The following SRGAP1 variants were observed in gnomAD, a reference collection of about 807,000 sequenced individuals.
SRGAP1 encodes SLIT-ROBO Rho GTPase activating protein 1.
SRGAP1 carries 43 observed loss-of-function variants against 121.9 expected under a neutral mutation model. The ratio of observed to expected loss-of-function variants is 0.35; its 90% CI spans 0.28 to 0.46. The LOEUF (loss-of-function observed/expected upper bound fraction) is 0.46, where lower values mean the gene tolerates loss of function less well. Ranked by LOEUF, SRGAP1 falls within the 20% of genes least tolerant of loss-of-function variation. SRGAP1 has a pLI of 1.00. For missense variants in SRGAP1, 1,102 were observed against 1,350.9 expected (o/e 0.82, Z 2.89); for synonymous variants, 447 against 485.4 (o/e 0.92, Z 1.04).
In SRGAP1 at chr12:63,983,978, A is replaced by G; in HGVS notation, c.99A>G (p.Lys33=). Residue 33 remains lysine (K), a synonymous_variant, in exon 2 of 22, where the codon AAA becomes AAG. Transcript: ENST00000355086. The stretch of plus-strand genomic sequence containing the variant: ...GAGCTCAACTGGTAGAACAACAAAA[A>G]TGCCTGGAGCAGCAAACGGAGATGC... The part of the protein sequence containing the change: ...EIRAQLVEQQ[K]CLEQQTEMRV... 6.5e-7 allele frequency: 1 copy of G among 1,545,024 alleles called. No individual in the cohort carries two copies. Among genetic ancestry groups the G allele is most frequent in the Non-Finnish European group, 8.8e-7 (1 of 1,137,458 alleles).
chr12:64,139,437 T>A (rs1448952937), intron 21 of SRGAP1, among the ~76,000 whole-genome samples: 1 of 152,242 alleles, frequency 6.6e-6, no homozygotes. Context: ...GTATCTAAAT[T>A]TAAACTTTTA....
At chr12:63,906,515 G>A (rs984560977) in intron 1 of SRGAP1, among the ~76,000 whole-genome samples, 7 of 152,002 alleles carry the variant, frequency 4.6e-5, no homozygotes, top group East Asian at 1.9e-4. Context: ...GGGTTTCACC[G>A]TGTTAGCCAG....
chr12:63,985,215 A>C (rs1440530674), intron 2 of SRGAP1, among the ~76,000 whole-genome samples: 3 of 152,176 alleles, frequency 2.0e-5, no homozygotes, highest in African/African-American at 7.2e-5. Flanking sequence ...CTAGTTGGTC[A>C]ATAAAGGAGA....
At chr12:64,048,685 A>G (rs774102222) in intron 6 of SRGAP1, among the ~76,000 whole-genome samples, 3 of 152,144 alleles carry the variant, frequency 2.0e-5, no homozygotes, top group Non-Finnish European at 4.4e-5. Flanking sequence ...CCTTTTGGAT[A>G]AAAGCCATTT....
intron 18 of SRGAP1, among the ~76,000 whole-genome samples, chr12:64,116,553 G>A (rs998692026): frequency 6.6e-6 from 1 of 151,932 alleles, no homozygotes. Context: ...TTATGTTCCT[G>A]ATGTTCATCT....
intron 6 of SRGAP1, among the ~76,000 whole-genome samples, chr12:64,057,348 C>T (rs1050576425): frequency 1.3e-5 from 2 of 152,126 alleles, no homozygotes; most frequent in African/African-American, 2.4e-5. Context: ...GATATGAAAA[C>T]TCGTGTGTAA....
chr12:64,105,418 A>G lies in SRGAP1; in HGVS notation c.1814-3514A>G, dbSNP rs1163918103. Among the ~76,000 whole-genome samples the G allele has an allele frequency of 2.0e-5, 3 of 152,158 alleles. No individual in the cohort carries two copies. In the East Asian group the frequency reaches 5.8e-4, roughly 29 times the overall value. On this transcript the variant is annotated intron_variant, in intron 15 of 21. Coordinates refer to ENST00000355086, the MANE Select transcript of SRGAP1 (RefSeq NM_020762.4). Reference sequence around the variant, plus strand: ...CAATTCTTATTAAATAAAATTTTAAAACTGCCTTTAAGAGGTAGAGGGACT... The same window carrying G: ...CAATTCTTATTAAATAAAATTTTAAGACTGCCTTTAAGAGGTAGAGGGACT...
chr12:63,949,400 TTATTATTA>T (rs1565964892), intron 1 of SRGAP1, among the ~76,000 whole-genome samples: 56 of 13,550 alleles, frequency 4.1e-3, no homozygotes, highest in Middle Eastern at 0.11. Flanking sequence ...TTATTATTTA[TTATTATTA>T]TTATTATTAT....
chr12:64,139,324 G>A (rs574026326), intron 21 of SRGAP1, among the ~76,000 whole-genome samples: 6 of 152,284 alleles, frequency 3.9e-5, no homozygotes, highest in African/African-American at 1.4e-4. Flanking sequence ...AGAACTTCTT[G>A]GAATTAGTCA....
At chr12:63,876,384 T>C (rs2136281866) in intron 1 of SRGAP1, among the ~76,000 whole-genome samples, 1 of 152,314 alleles carries the variant, frequency 6.6e-6, no homozygotes, top group Admixed American at 6.5e-5. Context: ...TTATGGGAAG[T>C]ATCATTTGGT....
At chr12:64,130,846 C>T (rs1290870185) in intron 21 of SRGAP1, among the ~76,000 whole-genome samples, 3 of 152,186 alleles carry the variant, frequency 2.0e-5, no homozygotes, top group Admixed American at 6.5e-5. Context: ...AACCCATATC[C>T]GGAGTAACTG....
At position 64,097,227 on chromosome 12, in the gene SRGAP1, T is replaced by G. The variant is rs371154293; in HGVS notation, c.1679-14T>G. On this transcript the variant is annotated splice_polypyrimidine_tract_variant and intron_variant, in intron 14 of 21. Transcript: ENST00000355086. ...AAGCACTGTTAATGTAATGAGTTTT[T>G]TTTTTTTTTTTAGGTGAAAATCCTT... 1.7e-5 allele frequency: 26 copies of G among 1,566,356 alleles called. No individual in the cohort carries two copies. Among genetic ancestry groups the G allele is most frequent in the African/African-American group, 2.8e-5 (2 of 72,046 alleles).
intron 8 of SRGAP1, among the ~76,000 whole-genome samples, chr12:64,072,108 C>CTCTG (rs775247857): frequency 3.4e-4 from 27 of 80,428 alleles, no homozygotes; most frequent in African/African-American, 1.2e-3. Context: ...CAATCTCTCT[C>CTCTG]TGTGTGTGTG....
At chr12:64,051,385 T>G (rs2035236759) in intron 6 of SRGAP1, among the ~76,000 whole-genome samples, 1 of 152,216 alleles carries the variant, frequency 6.6e-6, no homozygotes, top group African/African-American at 2.4e-5. Context: ...AAATTTATAT[T>G]TTATTACACT....
chr12:64,106,258 A>G (rs956960857), intron 15 of SRGAP1, among the ~76,000 whole-genome samples: 1 of 152,232 alleles, frequency 6.6e-6, no homozygotes, highest in Admixed American at 6.5e-5. Context: ...AGAATAAATC[A>G]TAATATGTAT....
Position 64,094,967 on chromosome 12 carries a change from C to A in SRGAP1, c.1575C>A (p.Ser525Arg), listed in dbSNP as rs776572564. Residue 525 changes from serine (S) to arginine (R), a missense_variant, in exon 13 of 22, where the codon AGC (serine) becomes AGA (arginine). By Grantham distance (110) the Ser-to-Arg change is moderately radical. Around this residue, in one of 3 missense-constraint regions of SRGAP1, gnomAD observed 747 missense variants for 929.4 expected, o/e 0.80. Transcript: ENST00000355086. ...SGQVIPLIVE[S>R]CIRFINLYGL... The stretch of plus-strand genomic sequence containing the variant: ...AGGTTATTCCCCTCATTGTGGAAAG[C>A]TGTATTCGGTTCATCAATCTCTATG... 2 of 1,614,092 alleles carry A rather than the reference C, an allele frequency of 1.2e-6. No homozygotes were observed. The highest frequency in any genetic ancestry group is 4.5e-5 in the East Asian group (2 of 44,864).
chr12:63,846,769 C>T (rs187627381), intron 1 of SRGAP1, among the ~76,000 whole-genome samples: 1 of 152,310 alleles, frequency 6.6e-6, no homozygotes, highest in Non-Finnish European at 1.5e-5. Flanking sequence ...ACCTACACAT[C>T]CAGTATCTAA....
chr12:63,926,238 G>A (rs1006591885), intron 1 of SRGAP1, among the ~76,000 whole-genome samples: 1 of 152,126 alleles, frequency 6.6e-6, no homozygotes, highest in Admixed American at 6.5e-5. Flanking sequence ...TTAACAGCAA[G>A]CAAATGTGGA....
chr12:64,114,443 C>A (rs982088050), intron 17 of SRGAP1, among the ~76,000 whole-genome samples: 1 of 151,356 alleles, frequency 6.6e-6, no homozygotes, highest in African/African-American at 2.4e-5. Flanking sequence ...CTCTGCCTCC[C>A]GGGTTCAAGC....
Sources: gnomAD v4.1 joint callset for allele counts (sites outside exome capture counted in the v4.1 genomes callset) on GRCh38, gnomAD v4.1.1 for gene constraint, gnomAD v4.1.1 regional missense constraint, MANE v1.5 for transcripts, NCBI Gene and HGNC (gene_info 2026-07-23, HGNC 2026-07-21) for gene names.